The following ERICH1 variants were observed in gnomAD, a reference collection of about 807,000 sequenced individuals.
The protein encoded by ERICH1 is glutamate rich 1.
A neutral mutation model predicts 39.6 loss-of-function variants in ERICH1; 56 were observed. That is an observed-to-expected ratio of 1.41 (90% CI 1.14 to 1.77). The LOEUF (loss-of-function observed/expected upper bound fraction) is 1.77, where lower values mean the gene tolerates loss of function less well. Ranked by LOEUF, ERICH1 falls within the 40% of genes most tolerant of loss-of-function variation. The probability of loss-of-function intolerance (pLI) is 0.00; values close to 1 mark genes in which losing one functional copy is unlikely to be tolerated. For missense variants in ERICH1, 826 were observed against 575.4 expected, an observed-to-expected ratio of 1.44 and a Z score of -4.45; for synonymous variants, 313 against 223.6, an observed-to-expected ratio of 1.40 and a Z score of -3.57.
chr8:633,784 A>G (rs965976739), intron 3 of ERICH1, among the ~76,000 whole-genome samples: 3 of 152,246 alleles, frequency 2.0e-5, no homozygotes, highest in Admixed American at 6.5e-5. Flanking sequence ...GGACTCCTCA[A>G]TGGGAAAAGA....
intron 2 of ERICH1, among the ~76,000 whole-genome samples, chr8:708,690 T>TCG (rs1563319532): frequency 1.3e-5 from 1 of 77,766 alleles, no homozygotes; most frequent in Non-Finnish European, 2.5e-5. Context: ...AGTTTTTTTT[T>TCG]TTTTTTTTTT....
In ERICH1 at chr8:688,381, C is replaced by CCGCAGGCTCCAGAGGCG. The variant is rs1272466700; in HGVS notation, c.304+4080_304+4096dup. 9.2e-4 allele frequency among the ~76,000 whole-genome samples: 137 copies of CCGCAGGCTCCAGAGGCG among 149,562 alleles called. 2 individuals are homozygous for CCGCAGGCTCCAGAGGCG. Among genetic ancestry groups the CCGCAGGCTCCAGAGGCG allele is most frequent in the Non-Finnish European group, 1.5e-3 (98 of 67,558 alleles). ...ACCTCGGCCCCGCCCCCCGGTCCCT[C>CCGCAGGCTCCAGAGGCG]CGCAGGCTCCAGAGGCGCCCAGGCT... On this transcript the variant is annotated intron_variant, in intron 3 of 5. Transcript: ENST00000262109.
chr8:638,840 G>A (rs1798671174), intron 3 of ERICH1, among the ~76,000 whole-genome samples: 1 of 152,084 alleles, frequency 6.6e-6, no homozygotes, highest in African/African-American at 2.4e-5. Context: ...CAAGGCCACG[G>A]CAGTCACCCG....
At chr8:629,614 C>A (rs12674486) in intron 3 of ERICH1, among the ~76,000 whole-genome samples, 277 of 97,284 alleles carry the variant, frequency 2.8e-3, no homozygotes, top group African/African-American at 0.012. Context: ...GACTCACACC[C>A]GCCTGTGACC....
chr8:687,039 A>C (rs1023983376), intron 3 of ERICH1, among the ~76,000 whole-genome samples: 5 of 152,244 alleles, frequency 3.3e-5, no homozygotes, highest in Admixed American at 2.0e-4. Flanking sequence ...AGGCAGAGAG[A>C]GCCACGATTC....
intron 3 of ERICH1, among the ~76,000 whole-genome samples, chr8:624,827 C>T (rs563928760): frequency 1.8e-3 from 268 of 152,154 alleles, no homozygotes; most frequent in African/African-American, 5.9e-3. Flanking sequence ...CCCGGGTTCA[C>T]GCCATTCTCC....
rs539970458 is a variant in ERICH1 at position 699,126 on chromosome 8, C to G, written c.170-6514G>C. On this transcript the variant is annotated intron_variant, in intron 2 of 5. Coordinates refer to ENST00000262109, the MANE Select transcript of ERICH1 (RefSeq NM_207332.3). ...GGAAACCCTGTCTCAAAAAACCCCC[C>G]AAACCCACTAAATATCAGCTCAGAA... Among the ~76,000 whole-genome samples, 5 of 152,170 alleles carry G rather than the reference C, an allele frequency of 3.3e-5. No individual in the cohort carries two copies. The South Asian group carries it at 1.0e-3, about 32-fold the overall frequency.
intron 3 of ERICH1, among the ~76,000 whole-genome samples, chr8:687,196 C>A (rs1306390120): frequency 6.6e-6 from 1 of 152,224 alleles, no homozygotes; most frequent in Non-Finnish European, 1.5e-5. Context: ...CAGCTCTCCA[C>A]AGAAATGACT....
chr8:616,322 G>C (rs118183457), intron 3 of ERICH1: 5 of 338,204 alleles, frequency 1.5e-5, no homozygotes, highest in Non-Finnish European at 2.9e-5. Flanking sequence ...CAAGAGGGAC[G>C]CGTTAACTGA....
chr8:665,409 C>T (rs891282493), intron 5 of ERICH1, among the ~76,000 whole-genome samples: 1 of 152,176 alleles, frequency 6.6e-6, no homozygotes, highest in Non-Finnish European at 1.5e-5. Flanking sequence ...ACAACTTGTC[C>T]GGGCACCAAA....
rs771766759 is a variant in ERICH1 at position 674,052 on chromosome 8, T to G, written c.305-5A>C. ...GCTGGTCATGAGGATCCTGATCTGT[T>G]AAAAAAATTCAAATATAACAATTTT... On this transcript the variant is annotated splice_region_variant and splice_polypyrimidine_tract_variant and intron_variant, in intron 3 of 5. Transcript: ENST00000262109. 2.0e-5 allele frequency: 30 copies of G among 1,527,922 alleles called. No homozygotes were observed. The highest frequency in any genetic ancestry group is 2.6e-5 in the Non-Finnish European group (30 of 1,151,644). 94.6% of individuals were successfully genotyped at this position (1,527,922 alleles called of 1,614,324 possible).
At chr8:673,000 AG>A (rs1803783217) in intron 4 of ERICH1, among the ~76,000 whole-genome samples, 1 of 152,254 alleles carries the variant, frequency 6.6e-6, no homozygotes, top group Admixed American at 6.5e-5. Context: ...ACACGGGGCC[AG>A]CCTGTCCTTG....
At chr8:717,390 G>A (rs912197185) in intron 1 of ERICH1, among the ~76,000 whole-genome samples, 8 of 152,158 alleles carry the variant, frequency 5.3e-5, no homozygotes, top group African/African-American at 1.9e-4. Context: ...TACCTGCCCG[G>A]CGGAGACACC....
rs1039598590 is a variant in ERICH1 at position 617,026 on chromosome 8, C to T, written c.977-1742G>A. On this transcript the variant is annotated intron_variant, in intron 3 of 3. Transcript: ENST00000522706. ...AGCAAATATCCAGAAGGAAGAAAAA[C>T]GATTCAGGACCAACGAAATAATTCC... Among the ~76,000 whole-genome samples the T allele has an allele frequency of 2.7e-5, 4 of 149,326 alleles. 1 individual carries two copies. The highest frequency in any genetic ancestry group is 6.7e-5 in the Admixed American group (1 of 14,858).
chr8:657,102 G>T (rs905096031), intron 3 of ERICH1, among the ~76,000 whole-genome samples: 8 of 152,192 alleles, frequency 5.3e-5, no homozygotes, highest in South Asian at 4.1e-4. Context: ...GTTTCTTAAA[G>T]GTTGGTTGCA....
At chr8:673,052 G>A (rs1248748079) in intron 4 of ERICH1, among the ~76,000 whole-genome samples, 3 of 152,226 alleles carry the variant, frequency 2.0e-5, no homozygotes, top group Non-Finnish European at 4.4e-5. Context: ...CTCTGGATAC[G>A]CCAGGGGCGC....
intron 4 of ERICH1, chr8:669,047 C>G (rs1802754928): frequency 2.0e-6 from 1 of 503,026 alleles, no homozygotes; most frequent in Non-Finnish European, 3.5e-6. Flanking sequence ...ATCTACACCT[C>G]TGTCTGGTGA....
At chr8:663,421 C>A (rs1585111599), downstream of ERICH1, among the ~76,000 whole-genome samples, 1 of 152,200 alleles carries the variant, frequency 6.6e-6, no homozygotes, top group South Asian at 2.1e-4. Context: ...GCCTGACACC[C>A]CCTCAGAACA....
chr8:642,590 C>T (rs1369267381), intron 3 of ERICH1, among the ~76,000 whole-genome samples: 2 of 151,876 alleles, frequency 1.3e-5, no homozygotes, highest in African/African-American at 2.4e-5. Context: ...GTGATCTGCC[C>T]GCCTCGGCCT....
Sources: gnomAD v4.1 joint callset for allele counts (sites outside exome capture counted in the v4.1 genomes callset) on GRCh38, gnomAD v4.1.1 for gene constraint, MANE v1.5 for transcripts, NCBI Gene and HGNC (gene_info 2026-07-23, HGNC 2026-07-21) for gene names.